Variants in ENAH observed in about 807,000 individuals in gnomAD.
The protein encoded by ENAH is protein enabled homolog.
In ENAH, 23 loss-of-function variants were observed where a neutral mutation model predicts 78.7. That is an observed-to-expected ratio of 0.29 (90% CI 0.21 to 0.41). ENAH has a LOEUF of 0.41. ENAH is among the 10% of genes least tolerant of loss of function. The probability of loss-of-function intolerance (pLI) is 1.00; values close to 1 mark genes in which losing one functional copy is unlikely to be tolerated. For missense variants in ENAH, 544 were observed against 691.0 expected (o/e 0.79, Z 2.39); for synonymous variants, 226 against 241.0 (o/e 0.94, Z 0.58).
chr1:225,637,340 TG>T lies in ENAH; in HGVS notation c.5+15345del, dbSNP rs751085991. 5.9e-5 allele frequency among the ~76,000 whole-genome samples: 9 copies of T among 152,320 alleles called. No homozygotes were observed. In the East Asian group the frequency reaches 7.7e-4, roughly 13 times the overall value. ...CTCATGCCTCAGCCTCCCGAGTAGC[TG>T]GGATTATAGGCATGCGCCATCACGC... On this transcript the variant is annotated intron_variant, in intron 1 of 13. Coordinates refer to ENST00000366843, the MANE Select transcript of ENAH (RefSeq NM_018212.6).
At position 225,494,157 on chromosome 1, in the gene ENAH, G is replaced by A. The variant is rs1205035504; in HGVS notation, c.*3618C>T. 3.3e-5 allele frequency: 5 copies of A among 150,814 alleles called. No individual in the cohort carries two copies. The highest frequency in any genetic ancestry group is 1.2e-4 in the African/African-American group (5 of 40,968). The allele number at this position is 150,814 out of a possible 1,614,324, so 9.3% of individuals were successfully genotyped here. A position where few individuals can be genotyped will look rare whatever the true frequency, so the allele number is the denominator to read the frequency against. On this transcript the variant is annotated 3_prime_UTR_variant, in exon 14 of 14. Transcript: ENST00000366843. ...TGAATATTGGGAACACGCGGTCCAC[G>A]AGAAGTGGAGAGGAGAATGGAGGGG... is the stretch of plus-strand genomic sequence containing the variant.
In ENAH at chr1:225,570,625, T is replaced by A. The variant is rs188427381; in HGVS notation, c.6-3211A>T. Among the ~76,000 whole-genome samples, 28 of 152,208 alleles carry A rather than the reference T, an allele frequency of 1.8e-4. No homozygotes were observed. The East Asian group carries it at 5.0e-3, about 27-fold the overall frequency. Reference sequence around the variant, plus strand: ...AAATATATTTTCTCCTTCTTGTGATTTTTTAATGTTTTTTTAAATAACATT... The same window carrying A: ...AAATATATTTTCTCCTTCTTGTGATATTTTAATGTTTTTTTAAATAACATT... On this transcript the variant is annotated intron_variant, in intron 1 of 13. Transcript: ENST00000366843.
intron 2 of ENAH, among the ~76,000 whole-genome samples, chr1:225,556,325 A>G (rs998721905): frequency 3.3e-5 from 5 of 152,218 alleles, no homozygotes; most frequent in South Asian, 2.1e-4. Context: ...CATTTCCACA[A>G]GAGTATACAA....
intron 2 of ENAH, among the ~76,000 whole-genome samples, chr1:225,566,495 A>AC (rs2096735725): frequency 6.6e-6 from 1 of 152,220 alleles, no homozygotes; most frequent in Non-Finnish European, 1.5e-5. Flanking sequence ...AAAATTTGTT[A>AC]CATTCTTTCC....
intron 1 of ENAH, 62 bp downstream of exon 1, chr1:225,652,624 A>T (rs1663247605): frequency 2.4e-6 from 3 of 1,256,944 alleles, no homozygotes. Context: ...TCCGAGGAGA[A>T]CGGGGGTCGC....
At chr1:225,587,668 T>C (rs1462013737) in intron 1 of ENAH, among the ~76,000 whole-genome samples, 4 of 152,148 alleles carry the variant, frequency 2.6e-5, no homozygotes, top group Admixed American at 6.5e-5. Context: ...AATATTCATA[T>C]GGAAATTCAA....
At chr1:225,591,713 C>T (rs1211512355) in intron 1 of ENAH, among the ~76,000 whole-genome samples, 2 of 138,772 alleles carry the variant, frequency 1.4e-5, no homozygotes, top group Admixed American at 8.1e-5. Flanking sequence ...TGCAGTGAGC[C>T]GAGATCGCGT....
chr1:225,640,931 T>C (rs983430804), intron 1 of ENAH, among the ~76,000 whole-genome samples: 3 of 150,188 alleles, frequency 2.0e-5, no homozygotes, highest in Non-Finnish European at 4.4e-5. Flanking sequence ...AGTCTCGTTC[T>C]GTTGCCCAGG....
chr1:225,501,894 C>T (rs1459447590), intron 11 of ENAH, among the ~76,000 whole-genome samples: 23 of 152,114 alleles, frequency 1.5e-4, no homozygotes, highest in African/African-American at 1.2e-4. Context: ...CCAGTCATGG[C>T]GCCCTCTCCA....
chr1:225,566,110 T>G (rs550599770), intron 2 of ENAH, among the ~76,000 whole-genome samples: 1 of 152,150 alleles, frequency 6.6e-6, no homozygotes, highest in South Asian at 2.1e-4. Flanking sequence ...TTAAGTTGCT[T>G]AAGTGAAGGA....
rs770441521 is a variant in ENAH, at chr1:225,511,846, G to A, written c.1436C>T (p.Pro479Leu). The change falls in exon 10 of 14, where the codon CCT becomes CTT. Residue 479 changes from proline to leucine, a missense_variant. Physicochemically the swap from Pro to Leu is moderately conservative, Grantham distance 98 (BLOSUM62 -3). This residue lies in a region of ENAH where 97 missense variants were observed against 124.4 expected (regional missense o/e 0.78). Transcript: ENST00000366843. ...QKEDKGEDSE[P>L]VTSKASSTST... ...TGTTGAAGAGGCCTTAGAAGTTACA[G>A]GCTCTGAATCTTCCTAAATATACAG... 2 of 1,603,828 alleles carry A rather than the reference G, an allele frequency of 1.2e-6. No homozygotes were observed. Among genetic ancestry groups the A allele is most frequent in the Non-Finnish European group, 8.5e-7 (1 of 1,172,246 alleles).
At chr1:225,516,106 T>TA (rs2096415332) in intron 6 of ENAH, among the ~76,000 whole-genome samples, 1 of 152,210 alleles carries the variant, frequency 6.6e-6, no homozygotes. Context: ...CTTATTTACT[T>TA]ACAGAACCAG....
intron 1 of ENAH, among the ~76,000 whole-genome samples, chr1:225,584,385 C>A (rs2096835150): frequency 6.6e-6 from 1 of 151,772 alleles, no homozygotes; most frequent in Non-Finnish European, 1.5e-5. Context: ...CAATAACTAA[C>A]AGGAGAGAGA....
chr1:225,639,655 C>T (rs371063375), intron 1 of ENAH, among the ~76,000 whole-genome samples: 1 of 151,652 alleles, frequency 6.6e-6, no homozygotes, highest in Non-Finnish European at 1.5e-5. Context: ...ATAAATTACC[C>T]AGTCTGTGGT....
chr1:225,560,271 C>T (rs2096695100), intron 2 of ENAH, among the ~76,000 whole-genome samples: 1 of 151,664 alleles, frequency 6.6e-6, no homozygotes. Context: ...GCAGGTAGAT[C>T]ACTTGAGGTC....
intron 4 of ENAH, among the ~76,000 whole-genome samples, chr1:225,525,694 AT>A (rs1368392400): frequency 1.3e-5 from 2 of 152,110 alleles, no homozygotes; most frequent in African/African-American, 4.8e-5. Flanking sequence ...TTACTCCCTC[AT>A]CTTAACAGAA....
intron 1 of ENAH, among the ~76,000 whole-genome samples, chr1:225,608,815 CAAAAAAAAAAAAA>C (rs928281132): frequency 9.7e-5 from 2 of 20,668 alleles, no homozygotes; most frequent in East Asian, 1.9e-3. Context: ...GACTCTGTCT[CAAAAAAAAAAAAA>C]AAAAAAAAAA....
intron 1 of ENAH, among the ~76,000 whole-genome samples, chr1:225,625,105 G>A (rs1006316492): frequency 2.6e-5 from 4 of 152,160 alleles, no homozygotes; most frequent in Non-Finnish European, 4.4e-5. Flanking sequence ...AGAGCTGAGC[G>A]ATAGACTTAA....
At chr1:225,592,298 A>T (rs758119047) in intron 1 of ENAH, among the ~76,000 whole-genome samples, 11 of 152,182 alleles carry the variant, frequency 7.2e-5, no homozygotes, top group Non-Finnish European at 1.3e-4. Flanking sequence ...CCAATACAAG[A>T]ATCTAAACTT....
Sources: gnomAD v4.1 joint callset for allele counts (sites outside exome capture counted in the v4.1 genomes callset) on GRCh38, gnomAD v4.1.1 for gene constraint, gnomAD v4.1.1 regional missense constraint, MANE v1.5 for transcripts, NCBI Gene and HGNC (gene_info 2026-07-23, HGNC 2026-07-21) for gene names.